The following COL11A1 variants were observed in gnomAD, a reference collection of about 807,000 sequenced individuals.
COL11A1 encodes the protein collagen type XI alpha 1 chain.
A neutral mutation model predicts 265.2 loss-of-function variants in COL11A1; 74 were observed. The ratio of observed to expected loss-of-function variants is 0.28; its 90% CI spans 0.23 to 0.34. COL11A1 has a LOEUF of 0.34. Ranked by LOEUF, COL11A1 falls within the 10% of genes least tolerant of loss-of-function variation. The pLI is 1.00. For missense variants in COL11A1, 2,165 were observed against 2,263.6 expected, an observed-to-expected ratio of 0.96 and a Z score of 0.88; for synonymous variants, 816 against 727.6, an observed-to-expected ratio of 1.12 and a Z score of -1.96.
intron 4 of COL11A1, among the ~76,000 whole-genome samples, chr1:103,044,672 A>G (rs1194083669): frequency 1.3e-5 from 2 of 152,148 alleles, no homozygotes; most frequent in Non-Finnish European, 2.9e-5. Context: ...CTTGTCTGCT[A>G]TAGATGACCT....
intron 11 of COL11A1, among the ~76,000 whole-genome samples, chr1:103,016,078 T>TA (rs1228141361): frequency 6.6e-6 from 1 of 152,070 alleles, no homozygotes; most frequent in Non-Finnish European, 1.5e-5. Context: ...GCCTGGTTCT[T>TA]ACAGTTAGAT....
At chr1:103,002,552 G>T (rs1665210755) in intron 22 of COL11A1, 71 bp from the exon 23 acceptor site, 5 of 1,339,328 alleles carry the variant, frequency 3.7e-6, no homozygotes, top group South Asian at 1.2e-5. Flanking sequence ...TTCTCAATTG[G>T]AAAATACCTC....
At chr1:102,881,896 C>A in intron 64 of COL11A1, 131 bp from the exon 65 acceptor site, 1 of 707,704 alleles carries the variant, frequency 1.4e-6, no homozygotes, top group Non-Finnish European at 2.4e-6. Context: ...TTTAAAATGA[C>A]ACAAATTAGA....
At chr1:103,066,121 T>A (rs1048143908) in intron 4 of COL11A1, among the ~76,000 whole-genome samples, 1 of 152,132 alleles carries the variant, frequency 6.6e-6, no homozygotes, top group African/African-American at 2.4e-5. Context: ...CAGTAGCATA[T>A]CTGTTGTATA....
At position 102,900,344 on chromosome 1, in the gene COL11A1, T is replaced by A. The variant is rs943682830; in HGVS notation, c.4087-1350A>T. 2.6e-5 allele frequency among the ~76,000 whole-genome samples: 4 copies of A among 152,142 alleles called. No individual in the cohort carries two copies. In the East Asian group the frequency reaches 7.7e-4, roughly 29 times the overall value. ...GCAAAAGGAATTCTGTGTTGAGCCA[T>A]GAATTTCAAATTTGTTCTATTGTTA... On this transcript the variant is annotated intron_variant, in intron 54 of 66. Transcript: ENST00000370096.
At chr1:102,945,302 C>T (rs1231928770) in intron 42 of COL11A1, among the ~76,000 whole-genome samples, 3 of 150,968 alleles carry the variant, frequency 2.0e-5, no homozygotes, top group African/African-American at 7.3e-5. Flanking sequence ...CTGTCTTTCT[C>T]CATCTACCAT....
intron 9 of COL11A1, among the ~76,000 whole-genome samples, chr1:103,020,122 TC>T (rs1347295686): frequency 6.6e-6 from 1 of 151,914 alleles, no homozygotes; most frequent in Non-Finnish European, 1.5e-5. Context: ...GATGGGTGGG[TC>T]AAATGGTATT....
chr1:102,936,573 C>T (rs1423037516), intron 44 of COL11A1, among the ~76,000 whole-genome samples: 2 of 152,042 alleles, frequency 1.3e-5, no homozygotes, highest in East Asian at 3.9e-4. Context: ...TCTCATCTGC[C>T]ATTGCAGGCT....
chr1:103,040,402 T>G (rs538546383), intron 4 of COL11A1, among the ~76,000 whole-genome samples: 1 of 151,770 alleles, frequency 6.6e-6, no homozygotes, highest in South Asian at 2.1e-4. Context: ...TTTTGTATTC[T>G]TTGTTTCATT....
chr1:102,882,593 G>T (rs962436752), intron 64 of COL11A1, among the ~76,000 whole-genome samples: 1 of 152,056 alleles, frequency 6.6e-6, no homozygotes, highest in Non-Finnish European at 1.5e-5. Context: ...GGAAGAATGA[G>T]ATTTATTACA....
intron 57 of COL11A1, among the ~76,000 whole-genome samples, chr1:102,895,107 A>G (rs1358739780): frequency 6.6e-6 from 1 of 152,174 alleles, no homozygotes; most frequent in Admixed American, 6.6e-5. Flanking sequence ...TACTTTTTCA[A>G]GTAAAAAATA....
intron 30 of COL11A1, among the ~76,000 whole-genome samples, chr1:102,984,690 A>G (rs992102616): frequency 6.6e-6 from 1 of 152,090 alleles, no homozygotes; most frequent in African/African-American, 2.4e-5. Context: ...GAGTAAGTAA[A>G]CCTAGATATG....
chr1:103,004,497 G>A lies in COL11A1; in HGVS notation c.1900-9C>T, dbSNP rs938517113. On this transcript the variant is annotated splice_polypyrimidine_tract_variant and intron_variant, in intron 19 of 66. Transcript: ENST00000370096. ...ATTTCTCCATCTTCTCCCTGTCATT[G>A]ACAAAATGAATGAGAGTATAGAACA... is the stretch of plus-strand genomic sequence containing the variant. 15 of 1,610,832 alleles carry A rather than the reference G, an allele frequency of 9.3e-6. No individual in the cohort carries two copies. The highest frequency in any genetic ancestry group is 1.3e-5 in the Non-Finnish European group (15 of 1,177,852).
In COL11A1 at chr1:102,897,820, A is replaced by G. The variant is rs1676496; in HGVS notation, c.4302+305T>C. ...GCCAGGAAAATAAGTGTAACTGCAA[A>G]CGTTTTAGGGAACTATCCAGACTAG... On this transcript the variant is annotated intron_variant, in intron 57 of 66. Coordinates refer to ENST00000370096, the MANE Select transcript of COL11A1 (RefSeq NM_001854.4). 0.94 allele frequency among the ~76,000 whole-genome samples: 142,659 copies of G among 152,096 alleles called. 66,951 individuals are homozygous for G. The highest frequency in any genetic ancestry group is 1 in the East Asian group (5,146 of 5,164).
intron 9 of COL11A1, 150 bp from the exon 10 acceptor site, chr1:103,019,009 G>A: frequency 4.8e-6 from 3 of 624,680 alleles, no homozygotes; most frequent in Admixed American, 3.0e-5. Flanking sequence ...TTTTTGCACA[G>A]GGAAGGAAAG....
intron 42 of COL11A1, among the ~76,000 whole-genome samples, chr1:102,943,444 CACACACAT>C (rs910091963): frequency 9.4e-5 from 11 of 117,604 alleles, no homozygotes; most frequent in African/African-American, 2.4e-4. Flanking sequence ...GATACACACA[CACACACAT>C]ACACACACAC....
At position 103,078,702 on chromosome 1, in the gene COL11A1, T is replaced by C; in HGVS notation, c.444A>G (p.Pro148=). The change falls in exon 3 of 67, where the codon CCA becomes CCG. Residue 148 remains proline, a synonymous_variant. Coordinates refer to ENST00000370096, the MANE Select transcript of COL11A1 (RefSeq NM_001854.4). ...LFEDHTGKPA[P]EDYPLFRTVN... Reference sequence around the variant, plus strand: ...CAGTTCTGAAGAGGGGATAGTCTTCTGGGGCAGGTTTTCCAGTGTGGTCTT... The same window carrying C: ...CAGTTCTGAAGAGGGGATAGTCTTCCGGGGCAGGTTTTCCAGTGTGGTCTT... The C allele has an allele frequency of 1.9e-6, 3 of 1,613,502 alleles. No individual in the cohort carries two copies. Among genetic ancestry groups the C allele is most frequent in the East Asian group, 4.5e-5 (2 of 44,834 alleles).
chr1:103,074,544 G>A lies in COL11A1; in HGVS notation c.651+74C>T, dbSNP rs181125247. ...TTGCTTTATAACGTATTGCTATAAA[G>A]CGATATTTTTACTGTTGTTAACCCA... On this transcript the variant is annotated intron_variant, in intron 4 of 66. Coordinates refer to ENST00000370096, the MANE Select transcript of COL11A1 (RefSeq NM_001854.4). 659 of 1,537,882 alleles carry A rather than the reference G, an allele frequency of 4.3e-4. 3 individuals carry two copies. In the African/African-American group the frequency reaches 5.0e-3, roughly 12 times the overall value.
At chr1:102,889,412 T>G in intron 59 of COL11A1, 43 bp downstream of exon 59, 1 of 1,215,252 alleles carries the variant, frequency 8.2e-7, no homozygotes, top group Admixed American at 1.7e-5. Context: ...TGTGTGTGTA[T>G]TATTGGAAAT....
Sources: allele counts gnomAD v4.1 joint callset (sites outside exome capture counted in the v4.1 genomes callset), GRCh38; gene constraint gnomAD v4.1.1; transcripts MANE v1.5; gene names NCBI Gene and HGNC (gene_info 2026-07-23, HGNC 2026-07-21).